LILRA1: variants seen among roughly 807,000 people sequenced by gnomAD.
The protein encoded by LILRA1 is leukocyte immunoglobulin-like receptor subfamily A member 1.
LILRA1 carries 51 observed loss-of-function variants against 51.6 expected under a neutral mutation model. The ratio of observed to expected loss-of-function variants is 0.99; its 90% CI spans 0.79 to 1.25. LILRA1 has a LOEUF of 1.25. Among genes scored for constraint, LILRA1 ranks in the 50% most tolerant of loss-of-function variants. The probability of loss-of-function intolerance (pLI) is 0.00; values close to 1 mark genes in which losing one functional copy is unlikely to be tolerated. For missense variants in LILRA1, 660 were observed against 611.7 expected (o/e 1.08, Z -0.83); for synonymous variants, 305 against 248.4 (o/e 1.23, Z -2.14).
intron 6 of LILRA1, 71 bp downstream of exon 6, chr19:54,596,006 G>A (rs1406482372): frequency 5.2e-6 from 8 of 1,535,722 alleles, no homozygotes; most frequent in Admixed American, 1.8e-5. Flanking sequence ...CCCAGGTGGT[G>A]ATGGCCGGAA....
chr19:54,601,254 C>T lies in LILRA1; in HGVS notation c.*437C>T, dbSNP rs562754941. 6.9e-5 allele frequency: 13 copies of T among 189,560 alleles called. No individual in the cohort carries two copies. The highest frequency in any genetic ancestry group is 2.1e-4 in the African/African-American group (9 of 42,606). 11.7% of individuals were successfully genotyped at this position (189,560 alleles called of 1,614,324 possible). ...CATCTCTTCAATTCAGAGTTCCAAA[C>T]GTGCTTCAGTAACTAAATCAATGGG... On this transcript the variant is annotated 3_prime_UTR_variant, in exon 10 of 10. Coordinates refer to ENST00000251372, the MANE Select transcript of LILRA1 (RefSeq NM_006863.4).
intron 3 of LILRA1, 64 bp from the exon 4 acceptor site, chr19:54,594,601 G>A (rs2062982480): frequency 7.4e-7 from 1 of 1,355,692 alleles, no homozygotes; most frequent in Admixed American, 1.8e-5. Context: ...GAGGGTCCTG[G>A]GCTGAGAGCT....
intron 8 of LILRA1, chr19:54,599,532 A>G (rs2146085907): frequency 8.4e-7 from 1 of 1,188,364 alleles, no homozygotes; most frequent in Non-Finnish European, 1.1e-6. Flanking sequence ...CTAACTCACT[A>G]CTAAATTGCT....
intron 6 of LILRA1, 60 bp downstream of exon 6, chr19:54,595,995 G>C (rs2063042620): frequency 1.3e-6 from 2 of 1,560,788 alleles, no homozygotes; most frequent in Non-Finnish European, 8.7e-7. Context: ...TGCCAGGGGA[G>C]CCCAGGTGGT....
Position 54,595,788 on chromosome 19 carries a change from C to G in LILRA1, c.811C>G (p.Pro271Ala), listed in dbSNP as rs767199913. The G allele has an allele frequency of 1.9e-5, 31 of 1,613,988 alleles. No individual in the cohort carries two copies. Among genetic ancestry groups the G allele is most frequent in the South Asian group, 1.4e-4 (13 of 91,082 alleles). The stretch of plus-strand genomic sequence containing the variant: ...ACGTGACTTCCTCCAGCTCCCTGGC[C>G]CACAGCCCCAGGCTGGGCTCTCCCA... ...GERDFLQLPG[P>A]QPQAGLSQAN... is the part of the protein sequence containing the mutation. The change falls in exon 6 of 10, where the codon CCA (proline) becomes GCA (alanine). Residue 271 changes from proline (P) to alanine (A), a missense_variant. Pro to Ala is a conservative substitution (Grantham distance 27, BLOSUM62 -1). Transcript: ENST00000251372.
At chr19:54,600,077 C>T (rs887354806) in intron 8 of LILRA1, among the ~76,000 whole-genome samples, 2 of 152,122 alleles carry the variant, frequency 1.3e-5, no homozygotes, top group Admixed American at 6.5e-5. Context: ...AAGAAGCACC[C>T]CCAGACTTTC....
rs200284559 is a variant in LILRA1 at position 54,594,509 on chromosome 19, C to T, written c.70+33C>T. On this transcript the variant is annotated intron_variant, in intron 3 of 9. Transcript: ENST00000251372. The stretch of plus-strand genomic sequence containing the variant: ...TGTCCCCAGCTCTCCCAGGTCCCTC[C>T]TCCTCACTGGGGACAAGGGGCCACC... The T allele has an allele frequency of 5.1e-5, 82 of 1,614,004 alleles. No homozygotes were observed. In the Middle Eastern group the frequency reaches 1.3e-3, roughly 26 times the overall value.
At chr19:54,599,528 C>G (rs1327217980) in intron 8 of LILRA1, 1 of 1,190,920 alleles carries the variant, frequency 8.4e-7, no homozygotes, top group African/African-American at 1.6e-5. Context: ...CATGCTAACT[C>G]ACTACTAAAT....
rs56948246 is a variant in LILRA1 at position 54,597,379 on chromosome 19, G to A, written c.1261+888G>A. The stretch of plus-strand genomic sequence containing the variant: ...GTTCAGCATTGATGAGTGGAGCAGC[G>A]GGGTCTTTCCCCCTCCCCGAGCAGG... On this transcript the variant is annotated intron_variant, in intron 7 of 9. Coordinates refer to ENST00000251372, the MANE Select transcript of LILRA1 (RefSeq NM_006863.4). Among the ~76,000 whole-genome samples, 71 of 151,606 alleles carry A rather than the reference G, an allele frequency of 4.7e-4. 1 individual carries two copies. The East Asian group carries it at 0.013, about 27-fold the overall frequency.
chr19:54,602,215 A>G lies in LILRA1; in HGVS notation c.*1398A>G, dbSNP rs578161136. The G allele has an allele frequency of 6.6e-6, 1 of 152,294 alleles. No individual in the cohort carries two copies. The highest frequency in any genetic ancestry group is 1.9e-4 in the East Asian group (1 of 5,190). The allele number at this position is 152,294 out of a possible 1,614,324, so 9.4% of individuals were successfully genotyped here. On this transcript the variant is annotated 3_prime_UTR_variant, in exon 10 of 10. Transcript: ENST00000251372. The stretch of plus-strand genomic sequence containing the variant: ...ATTCGCCATCTACCCTCTAGAATAA[A>G]GAAATCTTATCATTCACCGTCTACC...
chr19:54,600,841 A>G lies in LILRA1; in HGVS notation c.*24A>G. ...GAGATGCAGCCGGGAGGTGAACAGC[A>G]GAGAGAAGAATGTACCCTTCAGAGT... On this transcript the variant is annotated 3_prime_UTR_variant, in exon 10 of 10. Transcript: ENST00000251372. 1 of 1,612,428 alleles carries G rather than the reference A, an allele frequency of 6.2e-7. No individual in the cohort carries two copies. The highest frequency in any genetic ancestry group is 8.5e-7 in the Non-Finnish European group (1 of 1,178,450).
chr19:54,595,125 A>G lies in LILRA1; in HGVS notation c.384A>G (p.Ser128=), dbSNP rs36056143. 0.022 allele frequency: 35,216 copies of G among 1,613,750 alleles called. 3,473 individuals are homozygous for G. The East Asian group carries it at 0.3, about 14-fold the overall frequency. Residue 128 remains serine, a synonymous_variant, in exon 5 of 10, where the codon TCA becomes TCG. Coordinates refer to ENST00000251372, the MANE Select transcript of LILRA1 (RefSeq NM_006863.4). The part of the protein sequence containing the change: ...VTGAYIKPTL[S]ALPSPVVTSG... ...GAGCCTACATCAAACCCACCCTCTC[A>G]GCTCTACCCAGCCCTGTGGTGACCT...
chr19:54,593,694 G>A lies in LILRA1; in HGVS notation c.-136G>A, dbSNP rs1457342701. On this transcript the variant is annotated 5_prime_UTR_variant, in exon 1 of 10. Coordinates refer to ENST00000251372, the MANE Select transcript of LILRA1 (RefSeq NM_006863.4). ...ACCTGAGCTACACAGCCAGATGCGA[G>A]ATGCTTCTCTGCTGATCTGAGTCTG... 2.3e-5 allele frequency: 12 copies of A among 515,944 alleles called. No individual in the cohort carries two copies. The highest frequency in any genetic ancestry group is 3.9e-5 in the Non-Finnish European group (11 of 279,254). 32.0% of individuals were successfully genotyped at this position (515,944 alleles called of 1,614,324 possible).
chr19:54,599,260 C>T lies in LILRA1; in HGVS notation c.1286C>T (p.Pro429Leu), dbSNP rs45505406. 7,346 of 1,574,688 alleles carry T rather than the reference C, an allele frequency of 4.7e-3. 34 individuals are homozygous for T. Among genetic ancestry groups the T allele is most frequent in the Non-Finnish European group, 5.1e-3 (5,859 of 1,155,930 alleles). The change falls in exon 8 of 10, where the codon CCA becomes CTA. Residue 429 changes from proline to leucine, a missense_variant. Coordinates refer to ENST00000251372, the MANE Select transcript of LILRA1 (RefSeq NM_006863.4). Reference sequence around the variant, plus strand: ...GGAGCAGCTGAGACCCTCAGCCCACCACAAAACAAGTCCGATTCCAAGGCT... The same window carrying T: ...GGAGCAGCTGAGACCCTCAGCCCACTACAAAACAAGTCCGATTCCAAGGCT... ...VSGAAETLSP[P>L]QNKSDSKAGA...
At position 54,594,744 on chromosome 19, in the gene LILRA1, G is replaced by A. The variant is rs757814151; in HGVS notation, c.150G>A (p.Gln50=). The A allele has an allele frequency of 7.4e-6, 12 of 1,613,976 alleles. No individual in the cohort carries two copies. The Admixed American group carries it at 1.3e-4, about 18-fold the overall frequency. ...TQGSPVTLWC[Q]GILETQEYRL... is the part of the protein sequence containing the mutation. ...GGAGTCCCGTGACCCTCTGGTGTCA[G>A]GGGATCCTGGAGACCCAGGAGTACC... The change falls in exon 4 of 10, where the codon CAG becomes CAA. Residue 50 remains glutamine (Q), a synonymous_variant. Transcript: ENST00000251372.
chr19:54,594,176 T>C, intron 1 of LILRA1, 21 bp from the exon 2 acceptor site: 1 of 1,608,158 alleles, frequency 6.2e-7, no homozygotes, highest in Non-Finnish European at 8.5e-7. Context: ...TATTTCTCTC[T>C]GTGTGTCTCT....
chr19:54,595,951 G>T lies in LILRA1; in HGVS notation c.958+16G>T. The T allele has an allele frequency of 6.2e-7, 1 of 1,611,658 alleles. No individual in the cohort carries two copies. ...CTGATCGCAGGTGAGGAGCCCAGCGGGTTCAGTCAGGGACACAGGCTCCGC... is the reference window on the plus strand; with the variant it reads ...CTGATCGCAGGTGAGGAGCCCAGCGTGTTCAGTCAGGGACACAGGCTCCGC... On this transcript the variant is annotated intron_variant, in intron 6 of 9. Transcript: ENST00000251372.
chr19:54,594,693 TGA>T lies in LILRA1; in HGVS notation c.101_102del (p.Glu34AlafsTer28). On this transcript the variant is annotated frameshift_variant, in exon 4 of 10. Transcript: ENST00000251372. LOFTEE classifies it high-confidence loss of function. Reference sequence around the variant, plus strand: ...CCCTCCCCAAGCCCACACTCTGGGCTGAGCCAGGCTCTGTGATCACCCAGGGG... The same window carrying T: ...CCCTCCCCAAGCCCACACTCTGGGCTGCCAGGCTCTGTGATCACCCAGGGG... ...GTLPKPTLWA[E>X]PGSVITQGSP... The T allele has an allele frequency of 6.2e-7, 1 of 1,613,524 alleles. No homozygotes were observed. Among genetic ancestry groups the T allele is most frequent in the East Asian group, 2.2e-5 (1 of 44,886 alleles).
At position 54,594,782 on chromosome 19, in the gene LILRA1, A is replaced by G; in HGVS notation, c.188A>G (p.Glu63Gly). 6.2e-7 allele frequency: 1 copy of G among 1,614,120 alleles called. No homozygotes were observed. The highest frequency in any genetic ancestry group is 8.5e-7 in the Non-Finnish European group (1 of 1,179,998). The stretch of plus-strand genomic sequence containing the variant: ...ACCCAGGAGTACCGTCTGTATAGAG[A>G]AAAGAAAACAGCACCCTGGATTACA... ...LETQEYRLYR[E>G]KKTAPWITRI... is the part of the protein sequence containing the mutation. Residue 63 changes from glutamate to glycine, a missense_variant, in exon 4 of 10, where the codon GAA (glutamate) becomes GGA (glycine). Physicochemically the swap from Glu to Gly is moderately conservative, Grantham distance 98. Transcript: ENST00000251372.
Sources: allele counts gnomAD v4.1 joint callset (sites outside exome capture counted in the v4.1 genomes callset), GRCh38; gene constraint gnomAD v4.1.1; transcripts MANE v1.5; gene names NCBI Gene and HGNC (gene_info 2026-07-23, HGNC 2026-07-21).